The following ANO2 variants were observed in gnomAD, a reference collection of about 807,000 sequenced individuals.
ANO2 encodes anoctamin-2.
Under a neutral mutation model 124.2 loss-of-function variants are expected in ANO2, and 101 were observed. That is an observed-to-expected ratio of 0.81 (90% CI 0.69 to 0.96). The LOEUF (loss-of-function observed/expected upper bound fraction) is 0.96, where lower values mean the gene tolerates loss of function less well. ANO2 is among the 40% of genes least tolerant of loss of function. The pLI is 0.00. For missense variants in ANO2, 1,293 were observed against 1,274.5 expected (o/e 1.01, Z -0.22); for synonymous variants, 486 against 482.5 (o/e 1.01, Z -0.09).
At chr12:5,739,049 T>A in intron 13 of ANO2, 1 of 601,566 alleles carries the variant, frequency 1.7e-6, no homozygotes, top group Non-Finnish European at 3.1e-6. Context: ...TGCCACCTCT[T>A]TCCCCAGAGG....
chr12:5,705,807 C>A (rs1949585389), intron 14 of ANO2, among the ~76,000 whole-genome samples: 1 of 152,196 alleles, frequency 6.6e-6, no homozygotes, highest in South Asian at 2.1e-4. Flanking sequence ...TAATTTATGA[C>A]AATCTCCTCT....
rs892869483 is a variant in ANO2, at chr12:5,563,008, G to C, written c.*291C>G. On this transcript the variant is annotated 3_prime_UTR_variant, in exon 25 of 25. Coordinates refer to ENST00000682330, the MANE Select transcript of ANO2 (RefSeq NM_001364791.2). ...GTACATGGGAATGCTCGCGGTGCCT[G>C]AGACTCTGGGGTGGAGAGACCCCAG... 1.1e-4 allele frequency: 46 copies of C among 425,754 alleles called. No individual in the cohort carries two copies. The highest frequency in any genetic ancestry group is 8.5e-4 in the African/African-American group (43 of 50,778). The allele number at this position is 425,754 out of a possible 1,614,324, so 26.4% of individuals were successfully genotyped here.
chr12:5,737,519 C>T (rs191028590), intron 13 of ANO2, among the ~76,000 whole-genome samples: 4 of 152,340 alleles, frequency 2.6e-5, no homozygotes, highest in South Asian at 2.1e-4. Flanking sequence ...AACAGCAAGA[C>T]GTGAGGGCTT....
At chr12:5,604,551 AT>A (rs1261028499) in intron 19 of ANO2, among the ~76,000 whole-genome samples, 3 of 152,190 alleles carry the variant, frequency 2.0e-5, no homozygotes, top group African/African-American at 7.2e-5. Context: ...AAGGAGAGTC[AT>A]GGGAACAGAA....
chr12:5,755,595 C>T (rs1364802513), intron 10 of ANO2, among the ~76,000 whole-genome samples: 1 of 151,982 alleles, frequency 6.6e-6, no homozygotes, highest in Non-Finnish European at 1.5e-5. Context: ...GTGATGTTCC[C>T]CTTCCTGTGT....
At chr12:5,802,285 G>A (rs1268557240) in intron 9 of ANO2, among the ~76,000 whole-genome samples, 1 of 152,240 alleles carries the variant, frequency 6.6e-6, no homozygotes, top group African/African-American at 2.4e-5. Flanking sequence ...TGTGGATATA[G>A]ATGAGGAGGA....
intron 4 of ANO2, 107 bp downstream of exon 4, chr12:5,853,936 G>T (rs1591700366): frequency 2.7e-6 from 1 of 366,038 alleles, no homozygotes; most frequent in Non-Finnish European, 4.4e-6. Flanking sequence ...GGAAGCAAGT[G>T]TGATTTCAAT....
At chr12:5,843,954 GTT>G (rs1954605371) in intron 4 of ANO2, among the ~76,000 whole-genome samples, 1 of 152,194 alleles carries the variant, frequency 6.6e-6, no homozygotes, top group Non-Finnish European at 1.5e-5. Context: ...AAACACAAGA[GTT>G]AGGACCTGAA....
In ANO2 at chr12:5,682,216, G is replaced by T. The variant is rs527670483; in HGVS notation, c.1546-34415C>A. On this transcript the variant is annotated intron_variant, in intron 14 of 24. Coordinates refer to ENST00000682330, the MANE Select transcript of ANO2 (RefSeq NM_001364791.2). ...TATATTTATCAAAAACAAAAAGTAG[G>T]CCAAGAATTCTGGTCTTTTGAGATT... Among the ~76,000 whole-genome samples the T allele has an allele frequency of 1.1e-4, 16 of 152,216 alleles. No individual in the cohort carries two copies. In the South Asian group the frequency reaches 3.1e-3, roughly 30 times the overall value.
chr12:5,643,542 A>C (rs1382166809), intron 15 of ANO2, among the ~76,000 whole-genome samples: 1 of 152,202 alleles, frequency 6.6e-6, no homozygotes, highest in Non-Finnish European at 1.5e-5. Flanking sequence ...GCTCATGTAC[A>C]CAAGTTTTTC....
At chr12:5,801,354 G>A (rs1432460954) in intron 9 of ANO2, among the ~76,000 whole-genome samples, 1 of 152,122 alleles carries the variant, frequency 6.6e-6, no homozygotes, top group Non-Finnish European at 1.5e-5. Context: ...ATCAATATCG[G>A]CATTTTATTA....
chr12:5,783,069 C>T (rs994757638), intron 10 of ANO2, among the ~76,000 whole-genome samples: 3 of 152,194 alleles, frequency 2.0e-5, no homozygotes, highest in African/African-American at 7.2e-5. Context: ...AAGTTCTTTA[C>T]TTCAGTGTGA....
chr12:5,734,698 A>G (rs868450636), intron 13 of ANO2, among the ~76,000 whole-genome samples: 19 of 148,600 alleles, frequency 1.3e-4, no homozygotes, highest in Middle Eastern at 3.5e-3. Context: ...CCCAGGCTGG[A>G]GTGCTGTGGC....
chr12:5,909,929 C>T (rs1940945901), intron 3 of ANO2, among the ~76,000 whole-genome samples: 1 of 152,164 alleles, frequency 6.6e-6, no homozygotes, highest in Non-Finnish European at 1.5e-5. Context: ...ATGGACCCTA[C>T]TCAGAATGTT....
At chr12:5,755,184 C>A (rs901515318) in intron 10 of ANO2, among the ~76,000 whole-genome samples, 15 of 151,486 alleles carry the variant, frequency 9.9e-5, no homozygotes, top group Non-Finnish European at 1.9e-4. Context: ...TCTTGATTGG[C>A]AGGTTTTTTA....
intron 1 of ANO2, among the ~76,000 whole-genome samples, chr12:5,932,600 T>C (rs11063924): frequency 0.011 from 582 of 53,476 alleles, no homozygotes; most frequent in African/African-American, 0.018. Context: ...GGAAAGAAGG[T>C]AGACGAGTGA....
At chr12:5,727,613 G>A (rs886512049) in intron 14 of ANO2, among the ~76,000 whole-genome samples, 2 of 147,760 alleles carry the variant, frequency 1.4e-5, no homozygotes, top group East Asian at 4.0e-4. Flanking sequence ...AACAAAGCAA[G>A]GAAGTCCATT....
At chr12:5,639,407 G>C (rs1289081433) in intron 15 of ANO2, among the ~76,000 whole-genome samples, 1 of 152,172 alleles carries the variant, frequency 6.6e-6, no homozygotes, top group Non-Finnish European at 1.5e-5. Flanking sequence ...AAAGGAAACA[G>C]AAAGCACTAC....
rs142067190 is a variant in ANO2, at chr12:5,633,800, T to C, written c.1816+1352A>G. ...CTCCCAACCACCCAAGTGGCTCATT[T>C]GCCACTTTCCTGCATGCCTTTCCTG... On this transcript the variant is annotated intron_variant, in intron 16 of 24. Coordinates refer to ENST00000682330, the MANE Select transcript of ANO2 (RefSeq NM_001364791.2). Among the ~76,000 whole-genome samples, 1,125 of 152,288 alleles carry C rather than the reference T, an allele frequency of 7.4e-3. 48 individuals carry two copies. Among genetic ancestry groups the C allele is most frequent in the Admixed American group, 0.062 (944 of 15,302 alleles).
Sources: allele counts gnomAD v4.1 joint callset (sites outside exome capture counted in the v4.1 genomes callset), GRCh38; gene constraint gnomAD v4.1.1; transcripts MANE v1.5; gene names NCBI Gene and HGNC (gene_info 2026-07-23, HGNC 2026-07-21).